The following SNTG1 variants were observed in gnomAD, a reference collection of about 807,000 sequenced individuals.
SNTG1 encodes the protein gamma-1-syntrophin.
A neutral mutation model predicts 74.7 loss-of-function variants in SNTG1; 39 were observed. The ratio of observed to expected loss-of-function variants is 0.52; its 90% confidence interval spans 0.40 to 0.68. The LOEUF (loss-of-function observed/expected upper bound fraction) is 0.68. Ranked by LOEUF, SNTG1 falls within the 30% of genes least tolerant of loss-of-function variation. The pLI, the probability that SNTG1 is intolerant of heterozygous loss-of-function variation, is 0.00. For missense variants in SNTG1, 685 were observed against 609.5 expected (o/e 1.12, Z -1.30); for synonymous variants, 254 against 217.1 (o/e 1.17, Z -1.49).
intron 13 of SNTG1, among the ~76,000 whole-genome samples, chr8:50,607,174 T>A (rs2094818771): frequency 6.6e-6 from 1 of 151,894 alleles, no homozygotes; most frequent in Non-Finnish European, 1.5e-5. Flanking sequence ...TATTTAATTT[T>A]CATATATTTG....
At chr8:50,308,465 G>A (rs2089985060) in intron 2 of SNTG1, among the ~76,000 whole-genome samples, 1 of 151,854 alleles carries the variant, frequency 6.6e-6, no homozygotes, top group African/African-American at 2.4e-5. Context: ...CTCCTTTTGT[G>A]TGGTCATTGT....
At chr8:50,667,362 A>AT (rs2095255716) in intron 15 of SNTG1, among the ~76,000 whole-genome samples, 1 of 152,086 alleles carries the variant, frequency 6.6e-6, no homozygotes, top group African/African-American at 2.4e-5. Context: ...CTATAACTGA[A>AT]TACCACAGTC....
intron 2 of SNTG1, among the ~76,000 whole-genome samples, chr8:50,391,872 A>G (rs553602408): frequency 1.3e-5 from 2 of 152,250 alleles, no homozygotes; most frequent in South Asian, 2.1e-4. Context: ...TAACCACACT[A>G]TAATAGTTAA....
At position 50,578,632 on chromosome 8, in the gene SNTG1, C is replaced by T. The variant is rs111831064; in HGVS notation, c.811-12247C>T. Among the ~76,000 whole-genome samples the T allele has an allele frequency of 1.4e-3, 218 of 152,222 alleles. 2 individuals are homozygous for T. Among genetic ancestry groups the T allele is most frequent in the African/African-American group, 4.9e-3 (204 of 41,542 alleles). ...GGTAATCGAATAATGGGGGTAGTTA[C>T]CCTCATGCTGTTCTCATTATAGCGA... On this transcript the variant is annotated intron_variant, in intron 12 of 18. Transcript: ENST00000642720.
intron 2 of SNTG1, among the ~76,000 whole-genome samples, chr8:50,275,975 T>G (rs901135409): frequency 6.6e-6 from 1 of 152,228 alleles, no homozygotes; most frequent in Non-Finnish European, 1.5e-5. Flanking sequence ...GTCCTCCAAC[T>G]AACAAATATT....
intron 1 of SNTG1, among the ~76,000 whole-genome samples, chr8:49,970,180 A>C (rs1436087952): frequency 3.9e-5 from 6 of 152,152 alleles, no homozygotes; most frequent in Non-Finnish European, 7.4e-5. Context: ...GTATCTCACC[A>C]TCTGGCAAAA....
chr8:50,234,644 G>A lies in SNTG1; in HGVS notation c.-28+62009G>A, dbSNP rs371589312. Reference sequence around the variant, plus strand: ...GCTGTCTTTAAAACTCCCTGTGAATGTATAAAAAGTCAAAATAACAAATTA... The same window carrying A: ...GCTGTCTTTAAAACTCCCTGTGAATATATAAAAAGTCAAAATAACAAATTA... On this transcript the variant is annotated intron_variant, in intron 2 of 18. Transcript: ENST00000642720. Among the ~76,000 whole-genome samples the A allele has an allele frequency of 5.9e-5, 9 of 152,100 alleles. No individual in the cohort carries two copies. In the East Asian group the frequency reaches 1.7e-3, roughly 29 times the overall value.
intron 11 of SNTG1, among the ~76,000 whole-genome samples, chr8:50,547,511 G>T (rs2094396765): frequency 6.6e-6 from 1 of 151,752 alleles, no homozygotes; most frequent in Admixed American, 6.6e-5. Flanking sequence ...TTCAATCTAG[G>T]GCAAATTATC....
chr8:50,554,716 T>C (rs1004916801), intron 12 of SNTG1, among the ~76,000 whole-genome samples: 1 of 152,086 alleles, frequency 6.6e-6, no homozygotes, highest in Non-Finnish European at 1.5e-5. Flanking sequence ...AGAAATGCAA[T>C]GTTTCTCTAG....
intron 1 of SNTG1, among the ~76,000 whole-genome samples, chr8:50,044,080 CA>C (rs1198830813): frequency 6.6e-6 from 1 of 152,136 alleles, no homozygotes; most frequent in Non-Finnish European, 1.5e-5. Flanking sequence ...TGAAAAACTA[CA>C]AGTTGCAAAG....
intron 1 of SNTG1, among the ~76,000 whole-genome samples, chr8:50,113,137 AAAGTC>A (rs2080670467): frequency 6.6e-6 from 1 of 152,148 alleles, no homozygotes; most frequent in Non-Finnish European, 1.5e-5. Context: ...TTCTGTGAAG[AAAGTC>A]ATTGCTAGCT....
chr8:50,008,175 C>T (rs906373965), intron 1 of SNTG1, among the ~76,000 whole-genome samples: 1 of 152,064 alleles, frequency 6.6e-6, no homozygotes, highest in Non-Finnish European at 1.5e-5. Flanking sequence ...ATGTAGGAAG[C>T]AATACTTAGT....
At chr8:49,970,473 A>G (rs1811561298) in intron 1 of SNTG1, among the ~76,000 whole-genome samples, 1 of 152,174 alleles carries the variant, frequency 6.6e-6, no homozygotes, top group African/African-American at 2.4e-5. Context: ...TCTTCCAGGG[A>G]CTAATGCAGT....
At chr8:50,752,837 C>A (rs1423639187) in intron 18 of SNTG1, among the ~76,000 whole-genome samples, 1 of 151,794 alleles carries the variant, frequency 6.6e-6, no homozygotes, top group East Asian at 2.0e-4. Context: ...AGACACTCTC[C>A]TTCTTTTAAC....
chr8:50,075,010 G>A lies in SNTG1; in HGVS notation c.-102-97551G>A, dbSNP rs188198670. 2.5e-3 allele frequency among the ~76,000 whole-genome samples: 380 copies of A among 152,314 alleles called. 4 individuals carry two copies. Among genetic ancestry groups the A allele is most frequent in the Non-Finnish European group, 6.5e-4 (44 of 68,020 alleles). On this transcript the variant is annotated intron_variant, in intron 1 of 18. Transcript: ENST00000642720. Reference sequence around the variant, plus strand: ...AGTGAGGGGCTTAGCACCTAGGCCAGCAGCTGCAGAGGGTACACTGGGTCC... The same window carrying A: ...AGTGAGGGGCTTAGCACCTAGGCCAACAGCTGCAGAGGGTACACTGGGTCC...
At chr8:50,134,425 T>C (rs1374375963) in intron 1 of SNTG1, among the ~76,000 whole-genome samples, 1 of 152,124 alleles carries the variant, frequency 6.6e-6, no homozygotes, top group East Asian at 1.9e-4. Flanking sequence ...GGGAATGTAA[T>C]TGCTGAACCA....
chr8:50,549,921 C>G (rs1467741940), intron 11 of SNTG1, among the ~76,000 whole-genome samples: 1 of 152,040 alleles, frequency 6.6e-6, no homozygotes, highest in East Asian at 1.9e-4. Context: ...TTTCTAATGA[C>G]TTTAAGGGGG....
At chr8:50,405,762 T>C (rs2092866162) in intron 4 of SNTG1, among the ~76,000 whole-genome samples, 1 of 152,108 alleles carries the variant, frequency 6.6e-6, no homozygotes, top group African/African-American at 2.4e-5. Context: ...TTCTAAGAGT[T>C]TACAATTTTT....
intron 1 of SNTG1, among the ~76,000 whole-genome samples, chr8:49,990,292 C>G (rs1482693650): frequency 1.3e-5 from 2 of 151,816 alleles, no homozygotes; most frequent in African/African-American, 2.4e-5. Context: ...AATTACAACA[C>G]CAACAAAAGG....
Sources: allele counts gnomAD v4.1 joint callset (sites outside exome capture counted in the v4.1 genomes callset), GRCh38; gene constraint gnomAD v4.1.1; transcripts MANE v1.5; gene names NCBI Gene and HGNC (gene_info 2026-07-23, HGNC 2026-07-21).